The following LARP4B variants were observed in gnomAD, a reference collection of about 807,000 sequenced individuals.
The protein encoded by LARP4B is la-related protein 4B.
In LARP4B, 12 loss-of-function variants were observed where a neutral mutation model predicts 89.8. That is an observed-to-expected ratio of 0.13 (90% CI 0.09 to 0.22). The LOEUF (loss-of-function observed/expected upper bound fraction) is 0.22. LARP4B is among the 10% of genes least tolerant of loss of function. The pLI is 1.00. For synonymous variants in LARP4B, 367 were observed against 363.3 expected (o/e 1.01, Z -0.12); for missense variants, 757 against 947.7 (o/e 0.80, Z 2.64).
chr10:919,273 C>T (rs1201890889), intron 1 of LARP4B, among the ~76,000 whole-genome samples: 1 of 152,108 alleles, frequency 6.6e-6, no homozygotes, highest in Admixed American at 6.6e-5. Flanking sequence ...CTGCACAGAA[C>T]GCTGACCCTC....
the LARP4B span, chr10:972,487 T>C: frequency 2.2e-6 from 1 of 456,694 alleles, no homozygotes; most frequent in East Asian, 6.9e-5. Context: ...AGTCCACAGC[T>C]CTCATTCTAT....
At chr10:834,566 G>A (rs775974900) in intron 8 of LARP4B, among the ~76,000 whole-genome samples, 4 of 152,154 alleles carry the variant, frequency 2.6e-5, no homozygotes, top group South Asian at 2.1e-4. Context: ...ATGTTCTTAC[G>A]TGGATTGTTT....
At chr10:936,090 T>C (rs1471688866), upstream of LARP4B, among the ~76,000 whole-genome samples, 1 of 152,176 alleles carries the variant, frequency 6.6e-6, no homozygotes, top group East Asian at 1.9e-4. Context: ...CTCCAATGTG[T>C]AGCCGCATTG....
At chr10:830,598 T>A (rs762066586) in intron 9 of LARP4B, among the ~76,000 whole-genome samples, 3 of 152,230 alleles carry the variant, frequency 2.0e-5, no homozygotes, top group Non-Finnish European at 2.9e-5. Context: ...AAAACTTCTC[T>A]GCCCAGATAG....
At chr10:862,256 T>TAAAAAAAAAAAAAAAAAAAAAAAAA (rs10661482) in intron 5 of LARP4B, among the ~76,000 whole-genome samples, 1 of 84,396 alleles carries the variant, frequency 1.2e-5, no homozygotes, top group African/African-American at 5.2e-5. Context: ...CCACTGAAGT[T>TAAAAAAAAAAAAAAAAAAAAAAAAA]AAAAAAAAAA....
chr10:844,804 C>A (rs79012468), intron 6 of LARP4B, among the ~76,000 whole-genome samples, 173 bp downstream of exon 6: 1 of 151,944 alleles, frequency 6.6e-6, no homozygotes, highest in Non-Finnish European at 1.5e-5. Context: ...ATGAAGGTTA[C>A]GTTCCATGCT....
intron 13 of LARP4B, among the ~76,000 whole-genome samples, chr10:824,634 A>C (rs1366601471): frequency 1.3e-5 from 2 of 152,364 alleles, no homozygotes; most frequent in East Asian, 3.9e-4. Context: ...CAATGAGATG[A>C]GACTGCAATG....
chr10:910,728 T>G (rs1836644332), intron 1 of LARP4B, among the ~76,000 whole-genome samples: 1 of 152,244 alleles, frequency 6.6e-6, no homozygotes, highest in African/African-American at 2.4e-5. Context: ...GATAAAGGAC[T>G]GGCAGATACT....
rs761860668 is a variant in LARP4B, at chr10:817,706, C to T, written c.1695+19G>A. On this transcript the variant is annotated intron_variant, in intron 15 of 17. Transcript: ENST00000316157. ...CTAGACACTGTTGGCAACTATTAGA[C>T]ATGCAATATATCCCTTACCCTTTCT... 2 of 1,606,326 alleles carry T rather than the reference C, an allele frequency of 1.2e-6. No individual in the cohort carries two copies. The highest frequency in any genetic ancestry group is 3.3e-5 in the Admixed American group (2 of 59,906).
chr10:820,916 A>T lies in LARP4B; in HGVS notation c.1485-71T>A. 3.8e-6 allele frequency: 5 copies of T among 1,328,578 alleles called. No individual in the cohort carries two copies. The South Asian group carries it at 4.9e-5, about 13-fold the overall frequency. The allele number at this position is 1,328,578 out of a possible 1,614,324, so 82.3% of individuals were successfully genotyped here. On this transcript the variant is annotated intron_variant, in intron 13 of 17. Transcript: ENST00000316157. ...AGAATTTATTATTGAGCACGTTTGC[A>T]CTCACATAATCAAAGTACACATCAA... is the stretch of plus-strand genomic sequence containing the variant.
At chr10:929,029 G>A (rs192145192) in intron 1 of LARP4B, among the ~76,000 whole-genome samples, 9 of 152,176 alleles carry the variant, frequency 5.9e-5, no homozygotes, top group South Asian at 2.1e-4. Context: ...CAATCTTCCC[G>A]AACATTAAAC....
chr10:906,429 A>G (rs1399694629), intron 1 of LARP4B, among the ~76,000 whole-genome samples: 1 of 152,254 alleles, frequency 6.6e-6, no homozygotes, highest in African/African-American at 2.4e-5. Flanking sequence ...TTTGGTAAGC[A>G]CACAACTCCA....
chr10:977,016 C>T, the LARP4B span, among the ~76,000 whole-genome samples: 18 of 152,294 alleles, frequency 1.2e-4, no homozygotes, highest in African/African-American at 3.9e-4. Context: ...GTGTGGAACT[C>T]GCTTTCTTGT....
chr10:907,944 G>A (rs1236359612), intron 1 of LARP4B, among the ~76,000 whole-genome samples: 3 of 152,194 alleles, frequency 2.0e-5, no homozygotes, highest in East Asian at 1.9e-4. Context: ...GGTGGCTCAC[G>A]CCTGTAATCC....
the LARP4B span, among the ~76,000 whole-genome samples, chr10:958,497 A>C: frequency 6.6e-6 from 1 of 152,196 alleles, no homozygotes; most frequent in Non-Finnish European, 1.5e-5. Flanking sequence ...TGCCAAGAAA[A>C]GCACCTGTGT....
At chr10:951,016 C>T in the LARP4B span, among the ~76,000 whole-genome samples, 2 of 151,754 alleles carry the variant, frequency 1.3e-5, no homozygotes, top group Admixed American at 1.3e-4. Context: ...CCTTCCTTCT[C>T]TCTCTCTCTC....
chr10:894,797 T>C (rs1397135445), intron 1 of LARP4B, among the ~76,000 whole-genome samples: 2 of 152,158 alleles, frequency 1.3e-5, no homozygotes, highest in African/African-American at 4.8e-5. Context: ...GAAACAAAAA[T>C]ATATGAATGG....
At chr10:899,909 G>A (rs530313116) in intron 1 of LARP4B, among the ~76,000 whole-genome samples, 25 of 151,054 alleles carry the variant, frequency 1.7e-4, no homozygotes, top group Non-Finnish European at 2.5e-4. Flanking sequence ...GAATCAATTA[G>A]AAAAAATCAA....
intron 7 of LARP4B, among the ~76,000 whole-genome samples, chr10:837,871 G>A (rs1367408157): frequency 1.3e-5 from 2 of 151,144 alleles, no homozygotes; most frequent in Non-Finnish European, 2.9e-5. Flanking sequence ...TCTGTAACAC[G>A]AAAAAAATTT....
Sources: allele counts gnomAD v4.1 joint callset (sites outside exome capture counted in the v4.1 genomes callset), GRCh38; gene constraint gnomAD v4.1.1; transcripts MANE v1.5; gene names NCBI Gene and HGNC (gene_info 2026-07-23, HGNC 2026-07-21).